MYO19: variants seen among roughly 807,000 people sequenced by gnomAD.
The protein encoded by MYO19 is myosin XIX.
In MYO19, 132 loss-of-function variants were observed where a neutral mutation model predicts 129.2. That is an observed-to-expected ratio of 1.02 (90% CI 0.89 to 1.18). The LOEUF is 1.18. Ranked by LOEUF, MYO19 falls within the 50% of genes most tolerant of loss-of-function variation. The pLI, the probability that MYO19 is intolerant of heterozygous loss-of-function variation, is 0.00. For synonymous variants in MYO19, 531 were observed against 477.2 expected, an observed-to-expected ratio of 1.11 and a Z score of -1.47; for missense variants, 1,210 against 1,216.7, an observed-to-expected ratio of 0.99 and a Z score of 0.08.
At chr17:36,522,416 C>T (rs964838732) in intron 6 of MYO19, among the ~76,000 whole-genome samples, 1 of 151,084 alleles carries the variant, frequency 6.6e-6, no homozygotes, top group Non-Finnish European at 1.5e-5. Flanking sequence ...GAGGCTGAGG[C>T]AGAGAACTGC....
chr17:36,517,755 G>A (rs983520402), intron 6 of MYO19, among the ~76,000 whole-genome samples: 4 of 152,044 alleles, frequency 2.6e-5, no homozygotes, highest in African/African-American at 9.7e-5. Flanking sequence ...CAATGTGACT[G>A]CATTTGGAGA....
chr17:36,526,510 A>G (rs1451844081), intron 5 of MYO19, among the ~76,000 whole-genome samples: 3 of 152,336 alleles, frequency 2.0e-5, no homozygotes, highest in East Asian at 1.9e-4. Context: ...CAGTAAAAGA[A>G]TAAGTTACTT....
chr17:36,538,033 G>A, upstream of MYO19: 1 of 1,614,034 alleles, frequency 6.2e-7, no homozygotes, highest in Non-Finnish European at 8.5e-7. Context: ...TCTACCCTGG[G>A]GTATGTGGCA....
chr17:36,517,970 A>C (rs1487762977), intron 6 of MYO19, among the ~76,000 whole-genome samples: 2 of 151,988 alleles, frequency 1.3e-5, no homozygotes, highest in Non-Finnish European at 2.9e-5. Flanking sequence ...TCCACCTGTA[A>C]TTCCAGCTAC....
At chr17:36,504,308 G>C (rs1402692047) in intron 19 of MYO19, 1 of 409,088 alleles carries the variant, frequency 2.4e-6, no homozygotes, top group Admixed American at 4.2e-5. Context: ...CCTGCCCTCA[G>C]TGTAGTCTCA....
rs747607331 is a variant in MYO19, at chr17:36,527,657, T to A, written c.194A>T (p.Tyr65Phe). Reference sequence around the variant, plus strand: ...TACCAGGGTGCAGCCAGCATTGGTGTAGAATGTGTCTGCCATGTACCGGGC... The same window carrying A: ...TACCAGGGTGCAGCCAGCATTGGTGAAGAATGTGTCTGCCATGTACCGGGC... ...LQARYMADTF[Y>F]TNAGCTLVAL... is the part of the protein sequence containing the mutation. Residue 65 changes from tyrosine to phenylalanine, a missense_variant, in exon 5 of 26, where the codon TAC becomes TTC. Physicochemically the swap from Tyr to Phe is conservative, Grantham distance 22 (BLOSUM62 3). Coordinates refer to ENST00000614623, the MANE Select transcript of MYO19 (RefSeq NM_001163735.2). The A allele has an allele frequency of 2.7e-5, 43 of 1,613,806 alleles. No homozygotes were observed. The highest frequency in any genetic ancestry group is 3.6e-5 in the Non-Finnish European group (43 of 1,179,860).
intron 5 of MYO19, 80 bp from the exon 6 acceptor site, chr17:36,525,421 G>A: frequency 9.3e-7 from 1 of 1,070,966 alleles, no homozygotes; most frequent in East Asian, 2.5e-5. Flanking sequence ...GACTGAGATG[G>A]GGAGGCTGCC....
Position 36,532,670 on chromosome 17 carries a change from T to C in MYO19, c.-132A>G. 2 of 1,085,282 alleles carry C rather than the reference T, an allele frequency of 1.8e-6. No individual in the cohort carries two copies. Among genetic ancestry groups the C allele is most frequent in the South Asian group, 1.4e-5 (1 of 73,684 alleles). 67.2% of individuals were successfully genotyped at this position (1,085,282 alleles called of 1,614,324 possible). On this transcript the variant is annotated 5_prime_UTR_variant, in exon 3 of 26. An upstream open reading frame in the 5' UTR loses its in-frame stop. Coordinates refer to ENST00000614623, the MANE Select transcript of MYO19 (RefSeq NM_001163735.2). ...CAGTTCTGGAGGAATCTCAGACAAG[T>C]CACTCCAGCGCCTGTGGCATGAGAG...
At chr17:36,535,314 C>T (rs2074073965), upstream of MYO19, 3 of 150,870 alleles carry the variant, frequency 2.0e-5, no homozygotes, top group Admixed American at 6.6e-5. Flanking sequence ...CGTTTCCTCT[C>T]CAGGCGCTCC....
upstream of MYO19, chr17:36,535,416 A>G (rs972041928): frequency 1.3e-5 from 2 of 152,268 alleles, no homozygotes; most frequent in African/African-American, 2.4e-5. Flanking sequence ...CACGAGCGCC[A>G]TGATGGGCGG....
chr17:36,534,951 G>A (rs1171527310), upstream of MYO19: 1 of 152,308 alleles, frequency 6.6e-6, no homozygotes, highest in Admixed American at 6.5e-5. Context: ...TAAGTGGCCG[G>A]GGGTCGGCCG....
At chr17:36,527,253 C>G (rs1324615605) in intron 5 of MYO19, among the ~76,000 whole-genome samples, 1 of 151,926 alleles carries the variant, frequency 6.6e-6, no homozygotes, top group Non-Finnish European at 1.5e-5. Context: ...TTTATAAATC[C>G]TTTCCTGTTA....
intron 18 of MYO19, among the ~76,000 whole-genome samples, chr17:36,506,134 A>C (rs2071867190): frequency 6.6e-6 from 1 of 152,116 alleles, no homozygotes; most frequent in East Asian, 1.9e-4. Context: ...TAGAACAGGA[A>C]GCTAGACAGC....
intron 2 of MYO19, among the ~76,000 whole-genome samples, chr17:36,532,945 G>A (rs2073911718): frequency 6.6e-6 from 1 of 152,138 alleles, no homozygotes; most frequent in African/African-American, 2.4e-5. Context: ...GTGTGCCATG[G>A]AGGAGGAGTA....
rs765738366 is a variant in MYO19 at position 36,510,852 on chromosome 17, T to C, written c.1051A>G (p.Ile351Val). The part of the protein sequence containing the change: ...PEDVLLEMVQ[I>V]RTIRAGRQQQ... ...TGTCTGCCTGCCCTGATGGTTCTAA[T>C]CTGCACCATCTCCAGCAGCACGTCC... The change falls in exon 13 of 26, where the codon ATT (isoleucine) becomes GTT (valine). Residue 351 changes from isoleucine to valine, a missense_variant. Transcript: ENST00000614623. The C allele has an allele frequency of 1.3e-6, 2 of 1,581,650 alleles. No individual in the cohort carries two copies. The highest frequency in any genetic ancestry group is 4.6e-5 in the East Asian group (2 of 43,040).
In MYO19 at chr17:36,511,345, T is replaced by C; in HGVS notation, c.985+20A>G. On this transcript the variant is annotated intron_variant, in intron 12 of 25. Transcript: ENST00000614623. ...TACCTTCCTGACAGGGCCTGCCCCA[T>C]CCTACACCCTGACCCTCACACTTGG... 2 of 1,563,018 alleles carry C rather than the reference T, an allele frequency of 1.3e-6. No individual in the cohort carries two copies. The highest frequency in any genetic ancestry group is 1.7e-6 in the Non-Finnish European group (2 of 1,153,562).
intron 3 of MYO19, among the ~76,000 whole-genome samples, chr17:36,528,524 A>AC (rs60401838): frequency 8.0e-4 from 121 of 151,396 alleles, no homozygotes; most frequent in Middle Eastern, 3.4e-3. Context: ...AAAAAAAAAA[A>AC]CCAAAAAACA....
At chr17:36,541,052 G>T (rs961373286) in intron 2 of MYO19, among the ~76,000 whole-genome samples, 1 of 151,622 alleles carries the variant, frequency 6.6e-6, no homozygotes, top group Non-Finnish European at 1.5e-5. Flanking sequence ...GCAGTGGCAC[G>T]ATCTCCTGCC....
intron 2 of MYO19, among the ~76,000 whole-genome samples, chr17:36,541,739 G>A (rs1000152270): frequency 1.3e-5 from 2 of 152,098 alleles, no homozygotes; most frequent in South Asian, 4.1e-4. Context: ...TTTTAATGTA[G>A]CAATTATATA....
Sources: allele counts gnomAD v4.1 joint callset (sites outside exome capture counted in the v4.1 genomes callset), GRCh38; gene constraint gnomAD v4.1.1; transcripts MANE v1.5; gene names NCBI Gene and HGNC (gene_info 2026-07-23, HGNC 2026-07-21).